Variants in PPIL3 observed in about 807,000 individuals in gnomAD.
The protein encoded by PPIL3 is peptidylprolyl isomerase like 3.
In PPIL3, 13 loss-of-function variants were observed where a neutral mutation model predicts 20.9. That is an observed-to-expected ratio of 0.62 (90% confidence interval 0.40 to 0.99). The LOEUF (loss-of-function observed/expected upper bound fraction) is 0.99, where lower values mean the gene tolerates loss of function less well. Ranked by LOEUF, PPIL3 falls within the 50% of genes least tolerant of loss-of-function variation. The pLI is 0.00. For missense variants in PPIL3, 170 were observed against 195.2 expected (o/e 0.87, Z 0.77); for synonymous variants, 71 against 64.4 (o/e 1.10, Z -0.49).
chr2:200,880,146 C>G (rs1416307510), intron 5 of PPIL3, among the ~76,000 whole-genome samples: 1 of 152,054 alleles, frequency 6.6e-6, no homozygotes, highest in Non-Finnish European at 1.5e-5. Context: ...ACTCTGGAGG[C>G]TGAGGTGGGA....
rs2039290320 is a variant in PPIL3, at chr2:200,871,082, A to C, written c.*313T>G. The stretch of plus-strand genomic sequence containing the variant: ...CGGACTTGCTGTGGGAGGAATATGT[A>C]ATCAGGCCACTCAAAAATGCCTGCA... On this transcript the variant is annotated 3_prime_UTR_variant, in exon 7 of 7. Coordinates refer to ENST00000392283, the MANE Select transcript of PPIL3 (RefSeq NM_130906.3). The C allele has an allele frequency of 5.2e-6, 1 of 190,546 alleles. No individual in the cohort carries two copies. The highest frequency in any genetic ancestry group is 5.7e-5 in the Admixed American group (1 of 17,654). The allele number at this position is 190,546 out of a possible 1,614,324, so 11.8% of individuals were successfully genotyped here. A position where few individuals can be genotyped will look rare whatever the true frequency, so the allele number is the denominator to read the frequency against.
chr2:200,872,791 T>C (rs2039358864), intron 6 of PPIL3, among the ~76,000 whole-genome samples: 1 of 152,066 alleles, frequency 6.6e-6, no homozygotes. Flanking sequence ...AGGAAATACA[T>C]GGAGAAAGTA....
chr2:200,879,559 G>A (rs1256149349), intron 5 of PPIL3, among the ~76,000 whole-genome samples: 3 of 152,292 alleles, frequency 2.0e-5, no homozygotes, highest in African/African-American at 7.2e-5. Context: ...TTCCAGCCAA[G>A]TGCAGTGGCT....
intron 3 of PPIL3, among the ~76,000 whole-genome samples, chr2:200,883,889 T>C (rs1041051390): frequency 1.3e-5 from 2 of 152,170 alleles, no homozygotes; most frequent in Non-Finnish European, 2.9e-5. Flanking sequence ...TGGCCTCCCT[T>C]GTAGCTGGGA....
At chr2:200,873,746 G>C (rs909261735) in intron 6 of PPIL3, among the ~76,000 whole-genome samples, 1 of 151,588 alleles carries the variant, frequency 6.6e-6, no homozygotes, top group Non-Finnish European at 1.5e-5. Context: ...GATTACAAGC[G>C]TGAGTCACTG....
In PPIL3 at chr2:200,876,920, T is replaced by C; in HGVS notation, c.358A>G (p.Lys120Glu). The C allele has an allele frequency of 6.3e-7, 1 of 1,588,144 alleles. No homozygotes were observed. The highest frequency in any genetic ancestry group is 8.6e-7 in the Non-Finnish European group (1 of 1,156,454). ...GAAAACCATAACCAGAATACTCACT[T>C]TCCAAATACGGTGTATTTCATGTCC... is the stretch of plus-strand genomic sequence containing the variant. ...HLDMKYTVFGKVIDGLETLDE... is the reference protein window; with the variant it reads ...HLDMKYTVFGEVIDGLETLDE... The change falls in exon 6 of 7, where the codon AAG becomes GAG. Residue 120 changes from lysine (K) to glutamate (E), a missense_variant and splice_region_variant. Lys to Glu is a moderately conservative substitution (Grantham distance 56). Transcript: ENST00000392283.
At chr2:200,881,048 T>C (rs988085830) in intron 5 of PPIL3, among the ~76,000 whole-genome samples, 2 of 152,166 alleles carry the variant, frequency 1.3e-5, no homozygotes, top group African/African-American at 2.4e-5. Context: ...ATGGGCAACA[T>C]TGCAACCAGG....
At chr2:200,872,825 C>T (rs539057686) in intron 6 of PPIL3, among the ~76,000 whole-genome samples, 18 of 151,718 alleles carry the variant, frequency 1.2e-4, no homozygotes, top group South Asian at 4.2e-4. Flanking sequence ...ATTAGCAATA[C>T]TGCCCTACAA....
At chr2:200,887,782 C>T (rs2040005274) in intron 1 of PPIL3, 97 bp from the exon 2 acceptor site, 1 of 492,368 alleles carries the variant, frequency 2.0e-6, no homozygotes, top group Non-Finnish European at 3.5e-6. Context: ...CCTCGCCGGG[C>T]GTGGTGGCTC....
chr2:200,882,562 G>A, intron 3 of PPIL3, 127 bp from the exon 4 acceptor site: 2 of 695,096 alleles, frequency 2.9e-6, no homozygotes, highest in South Asian at 3.0e-5. Context: ...TACTTTGGAT[G>A]TCATTTCCCT....
At chr2:200,875,261 G>C (rs1396924370) in intron 6 of PPIL3, among the ~76,000 whole-genome samples, 1 of 151,710 alleles carries the variant, frequency 6.6e-6, no homozygotes, top group Admixed American at 6.6e-5. Context: ...TAAGTTCTGG[G>C]TCTTCTGGGA....
intron 3 of PPIL3, among the ~76,000 whole-genome samples, chr2:200,884,558 T>C (rs1464997239): frequency 6.6e-6 from 1 of 151,754 alleles, no homozygotes; most frequent in Non-Finnish European, 1.5e-5. Context: ...GGCAACATAG[T>C]GAGATCTCGT....
At chr2:200,885,881 CAG>C in intron 2 of PPIL3, 109 bp from the exon 3 acceptor site, 1 of 638,302 alleles carries the variant, frequency 1.6e-6, no homozygotes, top group South Asian at 1.9e-5. Context: ...TAAAAACAGA[CAG>C]AAATACTGCT....
At chr2:200,885,457 G>T in intron 3 of PPIL3, 1 of 410,196 alleles carries the variant, frequency 2.4e-6, no homozygotes, top group Non-Finnish European at 4.3e-6. Context: ...AAGAAAATTA[G>T]TTCAAAAGAA....
chr2:200,882,344 G>A lies in PPIL3; in HGVS notation c.170C>T (p.Thr57Ile). ...KGFMVQTGDP[T>I]GTGRGGNSIW... ...TCTTGGTTAATGGAATAACTTACCT[G>A]TTGGATCTCCTGTTTGAACCATGAA... Residue 57 changes from threonine to isoleucine, a missense_variant and splice_region_variant, in exon 4 of 7, where the codon ACA (threonine) becomes ATA (isoleucine). Transcript: ENST00000392283. The A allele has an allele frequency of 6.4e-7, 1 of 1,569,804 alleles. No individual in the cohort carries two copies. The highest frequency in any genetic ancestry group is 8.8e-7 in the Non-Finnish European group (1 of 1,139,740).
intron 1 of PPIL3, 74 bp from the exon 2 acceptor site, chr2:200,887,759 T>C (rs1445618107): frequency 9.9e-6 from 6 of 608,448 alleles, no homozygotes; most frequent in Non-Finnish European, 1.6e-5. Context: ...TTACTGAACA[T>C]TTTAAATAAA....
rs781009078 is a variant in PPIL3 at position 200,881,465 on chromosome 2, T to C, written c.196A>G (p.Ile66Val). 14 of 1,613,238 alleles carry C rather than the reference T, an allele frequency of 8.7e-6. No individual in the cohort carries two copies. The highest frequency in any genetic ancestry group is 1.2e-5 in the Non-Finnish European group (14 of 1,179,646). Residue 66 changes from isoleucine (I) to valine (V), a missense_variant, in exon 5 of 7, where the codon ATT becomes GTT. Coordinates refer to ENST00000392283, the MANE Select transcript of PPIL3 (RefSeq NM_130906.3). Reference sequence around the variant, plus strand: ...TCATCCTCAAACTTCTTGCCCCAAATACTGTTGCCTCCTCTTCCAGTTCCT... The same window carrying C: ...TCATCCTCAAACTTCTTGCCCCAAACACTGTTGCCTCCTCTTCCAGTTCCT... The part of the protein sequence containing the change: ...PTGTGRGGNS[I>V]WGKKFEDEYS...
Position 200,871,511 on chromosome 2 carries a change from C to T in PPIL3, c.370G>A (p.Gly124Ser). ...TCCAACTCATCTAGAGTTTCCAGAC[C>T]ATCTATTACCCTGAAAGAGAAACAA... is the stretch of plus-strand genomic sequence containing the variant. The part of the protein sequence containing the change: ...KYTVFGKVID[G>S]LETLDELEKL... The change falls in exon 7 of 7, where the codon GGT becomes AGT. Residue 124 changes from glycine to serine, a missense_variant. Physicochemically the swap from Gly to Ser is moderately conservative, Grantham distance 56. Transcript: ENST00000392283. 1 of 1,611,502 alleles carries T rather than the reference C, an allele frequency of 6.2e-7. No individual in the cohort carries two copies. The highest frequency in any genetic ancestry group is 8.5e-7 in the Non-Finnish European group (1 of 1,178,732).
At chr2:200,877,294 G>A (rs2039560091) in intron 5 of PPIL3, among the ~76,000 whole-genome samples, 1 of 152,038 alleles carries the variant, frequency 6.6e-6, no homozygotes, top group Non-Finnish European at 1.5e-5. Context: ...AATATTTAAG[G>A]GAGCAAGAAA....
Sources: gnomAD v4.1 joint callset for allele counts (sites outside exome capture counted in the v4.1 genomes callset) on GRCh38, gnomAD v4.1.1 for gene constraint, MANE v1.5 for transcripts, NCBI Gene and HGNC (gene_info 2026-07-23, HGNC 2026-07-21) for gene names.